Variants in PDE9A observed in about 807,000 individuals in gnomAD.
PDE9A encodes the protein phosphodiesterase 9A, also known as high affinity cGMP-specific 3',5'-cyclic phosphodiesterase 9A.
Under a neutral mutation model 87.4 loss-of-function variants are expected in PDE9A, and 60 were observed. The observed-to-expected ratio is 0.69, with a 90% CI of 0.56 to 0.85. The LOEUF is 0.85. Among genes scored for constraint, PDE9A ranks in the 40% least tolerant of loss-of-function variants. The pLI, the probability that PDE9A is intolerant of heterozygous loss-of-function variation, is 0.00. For missense variants in PDE9A, 665 were observed against 779.0 expected, an observed-to-expected ratio of 0.85 and a Z score of 1.74; for synonymous variants, 272 against 279.4, an observed-to-expected ratio of 0.97 and a Z score of 0.27.
At chr21:42,769,743 C>A (rs1445058491) in intron 17 of PDE9A, among the ~76,000 whole-genome samples, 1 of 151,218 alleles carries the variant, frequency 6.6e-6, no homozygotes. Context: ...GAGGCACACA[C>A]ATGCACACAC....
chr21:42,654,672 A>G (rs746928361), intron 1 of PDE9A, among the ~76,000 whole-genome samples: 39 of 152,218 alleles, frequency 2.6e-4, no homozygotes, highest in South Asian at 2.1e-3. Context: ...CCCACGGAGT[A>G]CTCCACTGAA....
intron 4 of PDE9A, among the ~76,000 whole-genome samples, chr21:42,728,536 A>G (rs2051377620): frequency 6.6e-6 from 1 of 152,218 alleles, no homozygotes; most frequent in African/African-American, 2.4e-5. Context: ...ATATCCCCAG[A>G]ATAAACCCCA....
Position 42,696,050 on chromosome 21 carries a change from T to G in PDE9A, c.219-2918T>G, listed in dbSNP as rs1183311819. 6.6e-6 allele frequency among the ~76,000 whole-genome samples: 1 copy of G among 152,210 alleles called. No individual in the cohort carries two copies. The highest frequency in any genetic ancestry group is 1.5e-5 in the Non-Finnish European group (1 of 68,036). On this transcript the variant is annotated intron_variant, in intron 3 of 19. Coordinates refer to ENST00000291539, the MANE Select transcript of PDE9A (RefSeq NM_002606.3). This position sits in a 1 kb window ranked among gnomAD's most constrained non-coding sequence, Gnocchi z 5.1. ...ACTTTTCCCTCTGTTGCTGATGTGA[T>G]GGCTCCTGCCCTCAGCTTACCAGAC...
Position 42,726,611 on chromosome 21 carries a change from TA to T in PDE9A, c.263-5158del, listed in dbSNP as rs1569207202. On this transcript the variant is annotated intron_variant, in intron 4 of 19. Coordinates refer to ENST00000291539, the MANE Select transcript of PDE9A (RefSeq NM_002606.3). ...GCCTGGCCATATATATATATATATA[TA>T]TATATATATATATTTTTTTTTTTTT... 4.8e-4 allele frequency among the ~76,000 whole-genome samples: 13 copies of T among 27,282 alleles called. 1 individual carries two copies. Among genetic ancestry groups the T allele is most frequent in the African/African-American group, 2.9e-3 (11 of 3,842 alleles). The allele number at this position is 27,282 out of a possible 152,430, so 17.9% of individuals were successfully genotyped here.
At chr21:42,742,200 C>T (rs540580350) in intron 7 of PDE9A, among the ~76,000 whole-genome samples, 27 of 152,154 alleles carry the variant, frequency 1.8e-4, no homozygotes, top group Non-Finnish European at 3.5e-4. Context: ...GACTCTGTAA[C>T]TGCCCAAGGG....
At chr21:42,736,695 AGGGAGGGGCTT>A (rs1182047382) in intron 7 of PDE9A, among the ~76,000 whole-genome samples, 2 of 152,216 alleles carry the variant, frequency 1.3e-5, no homozygotes, top group Non-Finnish European at 2.9e-5. Flanking sequence ...GTGGAGGGTA[AGGGAGGGGCTT>A]GGGTGAGGTC....
intron 1 of PDE9A, among the ~76,000 whole-genome samples, chr21:42,665,022 C>T (rs1030629422): frequency 2.0e-5 from 3 of 152,264 alleles, no homozygotes; most frequent in South Asian, 2.1e-4. Flanking sequence ...TGGGATGGGC[C>T]TCAAGCCCAT....
intron 10 of PDE9A, chr21:42,756,751 C>T (rs1029370148): frequency 6.5e-6 from 1 of 152,680 alleles, no homozygotes; most frequent in African/African-American, 2.4e-5. Flanking sequence ...CACTCACGAC[C>T]ATGCAGCCCA....
chr21:42,770,854 C>T (rs910475807), intron 18 of PDE9A, 56 bp downstream of exon 18: 10 of 1,337,598 alleles, frequency 7.5e-6, no homozygotes, highest in Non-Finnish European at 1.1e-5. Context: ...ACGCTGCCCT[C>T]CGCACTCCCG....
intron 4 of PDE9A, among the ~76,000 whole-genome samples, chr21:42,712,250 C>T (rs1021152133): frequency 1.3e-5 from 2 of 152,130 alleles, no homozygotes; most frequent in Non-Finnish European, 2.9e-5. Context: ...TTCATGTCTT[C>T]GGTTAACTTT....
At chr21:42,770,653 C>T (rs769338285) in intron 17 of PDE9A, 50 bp from the exon 18 acceptor site, 16 of 1,432,446 alleles carry the variant, frequency 1.1e-5, no homozygotes, top group Non-Finnish European at 1.5e-5. Flanking sequence ...CGACGTTTCC[C>T]ATTGCCTTAA....
Position 42,685,978 on chromosome 21 carries a change from C to G in PDE9A, c.70-214C>G, listed in dbSNP as rs188549583. On this transcript the variant is annotated intron_variant, in intron 1 of 19. Transcript: ENST00000291539. ...GGGGGCATCGCTGTATTTTTCACAA[C>G]TCTTTCCACTGAACACGACAATGAC... is the stretch of plus-strand genomic sequence containing the variant. Among the ~76,000 whole-genome samples, 95 of 152,328 alleles carry G rather than the reference C, an allele frequency of 6.2e-4. 2 individuals carry two copies. Among genetic ancestry groups the G allele is most frequent in the Middle Eastern group, 3.4e-3 (1 of 294 alleles).
chr21:42,748,044 G>T (rs953689422), intron 8 of PDE9A, among the ~76,000 whole-genome samples: 1 of 152,186 alleles, frequency 6.6e-6, no homozygotes, highest in Non-Finnish European at 1.5e-5. Context: ...TCTGCTCCCA[G>T]CTCTGGTATC....
At chr21:42,772,774 C>T (rs1360569745) in intron 19 of PDE9A, among the ~76,000 whole-genome samples, 1 of 151,808 alleles carries the variant, frequency 6.6e-6, no homozygotes, top group Non-Finnish European at 1.5e-5. Context: ...GCTGGGATTA[C>T]AGGCATGAGC....
chr21:42,687,694 A>G (rs967275161), intron 2 of PDE9A, among the ~76,000 whole-genome samples: 1 of 152,162 alleles, frequency 6.6e-6, no homozygotes, highest in Non-Finnish European at 1.5e-5. Context: ...GTATTTCAGC[A>G]TCTACACGCA....
rs2057384982 is a variant in PDE9A at position 42,660,280 on chromosome 21, C to T, written c.69+6397C>T. On this transcript the variant is annotated intron_variant, in intron 1 of 19. Transcript: ENST00000291539. This position sits in a 1 kb window ranked among gnomAD's most constrained non-coding sequence, Gnocchi z 4.7. ...CCCCAGACAAAGCGTGTCTGCACTCCTTGGCTTTCTCCCCAGACAAACCCA... is the reference window on the plus strand; with the variant it reads ...CCCCAGACAAAGCGTGTCTGCACTCTTTGGCTTTCTCCCCAGACAAACCCA... Among the ~76,000 whole-genome samples the T allele has an allele frequency of 6.6e-6, 1 of 152,212 alleles. No homozygotes were observed. The highest frequency in any genetic ancestry group is 1.5e-5 in the Non-Finnish European group (1 of 68,038).
At chr21:42,708,473 A>G (rs1483612749) in intron 4 of PDE9A, among the ~76,000 whole-genome samples, 1 of 152,116 alleles carries the variant, frequency 6.6e-6, no homozygotes, top group African/African-American at 2.4e-5. Flanking sequence ...AGGCCAACCC[A>G]TACCCACCCA....
At chr21:42,670,742 C>T (rs1204757461) in intron 1 of PDE9A, among the ~76,000 whole-genome samples, 1 of 145,084 alleles carries the variant, frequency 6.9e-6, no homozygotes, top group African/African-American at 2.5e-5. Context: ...CCCACATTCA[C>T]ACACATACAC....
intron 4 of PDE9A, among the ~76,000 whole-genome samples, chr21:42,716,360 G>A (rs1393459921): frequency 2.0e-5 from 3 of 151,774 alleles, no homozygotes; most frequent in African/African-American, 7.2e-5. Flanking sequence ...AGCAATGAAC[G>A]AGCATTCCTG....
Sources: allele counts gnomAD v4.1 joint callset (sites outside exome capture counted in the v4.1 genomes callset), GRCh38; gene constraint gnomAD v4.1.1; non-coding constraint Gnocchi (gnomAD v3.1); transcripts MANE v1.5; gene names NCBI Gene and HGNC (gene_info 2026-07-23, HGNC 2026-07-21).